TAF3: variants seen among roughly 807,000 people sequenced by gnomAD.
TAF3 encodes TATA-box binding protein associated factor 3.
A neutral mutation model predicts 80.6 loss-of-function variants in TAF3; 7 were observed. The observed-to-expected ratio is 0.09, with a 90% CI of 0.05 to 0.16. The LOEUF is 0.16. TAF3 is among the 10% of genes least tolerant of loss of function. TAF3 has a pLI of 1.00. For synonymous variants in TAF3, 444 were observed against 446.1 expected, an observed-to-expected ratio of 1.00 and a Z score of 0.06; for missense variants, 921 against 1,140.2, an observed-to-expected ratio of 0.81 and a Z score of 2.77.
chr10:7,993,669 T>C (rs780653244), intron 4 of TAF3, among the ~76,000 whole-genome samples: 1 of 152,200 alleles, frequency 6.6e-6, no homozygotes, highest in Non-Finnish European at 1.5e-5. Flanking sequence ...TTAAAGGGTA[T>C]TTTGCTGCTA....
At chr10:7,926,919 G>T (rs569218367) in intron 2 of TAF3, among the ~76,000 whole-genome samples, 1 of 152,194 alleles carries the variant, frequency 6.6e-6, no homozygotes, top group South Asian at 2.1e-4. Flanking sequence ...TTACTGTTTG[G>T]TTCAACGTGT....
At chr10:7,969,996 T>C (rs1831607484) in intron 3 of TAF3, among the ~76,000 whole-genome samples, 1 of 152,260 alleles carries the variant, frequency 6.6e-6, no homozygotes, top group African/African-American at 2.4e-5. Context: ...TCATACCTTC[T>C]CGAAGAATAT....
At chr10:7,879,937 G>A (rs763123926) in intron 2 of TAF3, among the ~76,000 whole-genome samples, 2 of 152,262 alleles carry the variant, frequency 1.3e-5, no homozygotes, top group East Asian at 1.9e-4. Flanking sequence ...GGCTGGGCAC[G>A]ATGGGTCACA....
intron 2 of TAF3, among the ~76,000 whole-genome samples, chr10:7,850,037 G>C (rs1367795890): frequency 6.8e-6 from 1 of 146,334 alleles, no homozygotes; most frequent in African/African-American, 2.5e-5. Flanking sequence ...AAATTGTTGG[G>C]ATTCATTGAG....
chr10:7,983,174 ACAGT>A (rs771396562), intron 4 of TAF3, among the ~76,000 whole-genome samples: 27 of 152,138 alleles, frequency 1.8e-4, no homozygotes, highest in Non-Finnish European at 3.4e-4. Flanking sequence ...CTTGGTGCTC[ACAGT>A]CCCTGGCGAA....
chr10:7,983,324 G>C (rs1831744674), intron 4 of TAF3, among the ~76,000 whole-genome samples: 1 of 152,212 alleles, frequency 6.6e-6, no homozygotes, highest in Non-Finnish European at 1.5e-5. Flanking sequence ...CCAGAATAAG[G>C]GGCAAGAGGC....
At chr10:7,980,062 G>A (rs568280752) in intron 4 of TAF3, among the ~76,000 whole-genome samples, 127 of 152,240 alleles carry the variant, frequency 8.3e-4, no homozygotes, top group Non-Finnish European at 1.5e-3. Context: ...GGAGGGAGGT[G>A]ACAGATTCCT....
rs768167 is a variant in TAF3, at chr10:8,005,311, T to G, written c.2316-3767T>G. 4.6e-3 allele frequency among the ~76,000 whole-genome samples: 704 copies of G among 152,340 alleles called. 7 individuals are homozygous for G. The highest frequency in any genetic ancestry group is 0.028 in the East Asian group (146 of 5,184). On this transcript the variant is annotated intron_variant, in intron 4 of 6. Transcript: ENST00000344293. ...TTGATTATCTTTGATTATGTGCTGC[T>G]TATTTTTTTTAAAGATAATTATCTG...
intron 2 of TAF3, among the ~76,000 whole-genome samples, chr10:7,937,937 C>G (rs1158200571): frequency 6.6e-6 from 1 of 152,174 alleles, no homozygotes; most frequent in East Asian, 1.9e-4. Context: ...TAAGACCAGT[C>G]AGTGGAACAT....
intron 2 of TAF3, among the ~76,000 whole-genome samples, chr10:7,831,702 G>C (rs1175706797): frequency 6.6e-6 from 1 of 152,048 alleles, no homozygotes; most frequent in Non-Finnish European, 1.5e-5. Flanking sequence ...GCCAGTGGCA[G>C]CTTCTTCACT....
chr10:7,987,304 G>A (rs1564377896), intron 4 of TAF3, among the ~76,000 whole-genome samples: 1 of 151,854 alleles, frequency 6.6e-6, no homozygotes, highest in African/African-American at 2.4e-5. Context: ...CAATAGGAGT[G>A]AGAACCTGTC....
At chr10:7,998,658 G>A (rs1831913495) in intron 4 of TAF3, among the ~76,000 whole-genome samples, 1 of 151,994 alleles carries the variant, frequency 6.6e-6, no homozygotes, top group South Asian at 2.1e-4. Flanking sequence ...GGCCAACATG[G>A]TGAAACCCCG....
At chr10:7,986,511 T>G (rs1831779083) in intron 4 of TAF3, among the ~76,000 whole-genome samples, 1 of 152,204 alleles carries the variant, frequency 6.6e-6, no homozygotes, top group Admixed American at 6.5e-5. Flanking sequence ...CTTTATGTCA[T>G]AATGTCAGAC....
At chr10:7,836,816 G>A (rs1219693341) in intron 2 of TAF3, among the ~76,000 whole-genome samples, 6 of 152,078 alleles carry the variant, frequency 3.9e-5, no homozygotes, top group East Asian at 1.9e-4. Context: ...TCCTCTAAAC[G>A]AAACTATTAG....
chr10:7,886,598 T>C (rs1317031305), intron 2 of TAF3, among the ~76,000 whole-genome samples: 1 of 152,248 alleles, frequency 6.6e-6, no homozygotes, highest in African/African-American at 2.4e-5. Flanking sequence ...TAGATGAGGG[T>C]AATAATATCT....
At chr10:7,949,594 CAGTA>C (rs1437656898) in intron 2 of TAF3, among the ~76,000 whole-genome samples, 4 of 152,162 alleles carry the variant, frequency 2.6e-5, no homozygotes, top group Non-Finnish European at 2.9e-5. Context: ...AGAAGGAACA[CAGTA>C]AGAATTTAAT....
chr10:7,920,251 A>G (rs1837749873), intron 2 of TAF3, among the ~76,000 whole-genome samples: 1 of 151,358 alleles, frequency 6.6e-6, no homozygotes, highest in African/African-American at 2.4e-5. Context: ...TTATTTCTTG[A>G]GTAAATAAAT....
chr10:7,931,611 T>C (rs968700792), intron 2 of TAF3, among the ~76,000 whole-genome samples: 2 of 152,254 alleles, frequency 1.3e-5, no homozygotes, highest in African/African-American at 4.8e-5. Flanking sequence ...AAGAAAATGG[T>C]AATTATACCT....
chr10:7,859,488 G>A (rs955055194), intron 2 of TAF3, among the ~76,000 whole-genome samples: 5 of 151,958 alleles, frequency 3.3e-5, no homozygotes, highest in South Asian at 2.1e-4. Context: ...TTCCAACATC[G>A]CCAGTTCCTG....
Sources: allele counts gnomAD v4.1 joint callset (sites outside exome capture counted in the v4.1 genomes callset), GRCh38; gene constraint gnomAD v4.1.1; transcripts MANE v1.5; gene names NCBI Gene and HGNC (gene_info 2026-07-23, HGNC 2026-07-21).